Variants in TAOK3 observed in about 807,000 individuals in gnomAD.
TAOK3 encodes the protein TAO kinase 3.
In TAOK3, 40 loss-of-function variants were observed where a neutral mutation model predicts 120.4. The observed-to-expected ratio is 0.33, with a 90% confidence interval of 0.26 to 0.43. The LOEUF is 0.43. TAOK3 is among the 20% of genes least tolerant of loss of function. TAOK3 has a pLI of 1.00. For missense variants in TAOK3, 821 were observed against 1,112.1 expected (o/e 0.74, Z 3.72); for synonymous variants, 355 against 387.5 (o/e 0.92, Z 0.99).
intron 17 of TAOK3, among the ~76,000 whole-genome samples, chr12:118,167,932 G>A (rs1394790638): frequency 6.6e-6 from 1 of 152,136 alleles, no homozygotes; most frequent in Non-Finnish European, 1.5e-5. Context: ...TTCCCGCTCA[G>A]TTCTTCAGCT....
At chr12:118,187,658 A>C (rs892373675) in intron 14 of TAOK3, among the ~76,000 whole-genome samples, 6 of 152,144 alleles carry the variant, frequency 3.9e-5, no homozygotes, top group African/African-American at 1.4e-4. Flanking sequence ...GTAAACTACC[A>C]TCAATCCCAA....
intron 15 of TAOK3, among the ~76,000 whole-genome samples, chr12:118,180,641 A>G (rs2036656183): frequency 6.6e-6 from 1 of 152,192 alleles, no homozygotes. Context: ...CCTTTTGCTC[A>G]GGGGCTCATC....
intron 11 of TAOK3, 82 bp downstream of exon 11, chr12:118,212,832 A>G: frequency 1.1e-6 from 1 of 952,156 alleles, no homozygotes; most frequent in Non-Finnish European, 1.6e-6. Context: ...TGTCATGATG[A>G]GCTGCCACAG....
At chr12:118,288,287 C>T (rs889326583) in intron 1 of TAOK3, among the ~76,000 whole-genome samples, 2 of 152,050 alleles carry the variant, frequency 1.3e-5, no homozygotes, top group Admixed American at 6.6e-5. Context: ...CTCCCTCCCT[C>T]CCCCAATTCA....
chr12:118,153,419 A>C (rs1341176899), intron 19 of TAOK3, among the ~76,000 whole-genome samples: 1 of 152,088 alleles, frequency 6.6e-6, no homozygotes, highest in African/African-American at 2.4e-5. Context: ...TAAAAAAAAA[A>C]TCTCTTCCTC....
intron 9 of TAOK3, among the ~76,000 whole-genome samples, chr12:118,221,053 C>T (rs960725594): frequency 6.6e-6 from 1 of 152,232 alleles, no homozygotes; most frequent in Non-Finnish European, 1.5e-5. Context: ...TATTGGAACA[C>T]AGCCATGCCT....
chr12:118,335,723 T>C lies in TAOK3; in HGVS notation c.-194+36925A>G, dbSNP rs113811911. On this transcript the variant is annotated intron_variant, in intron 1 of 20. Transcript: ENST00000392533. Reference sequence around the variant, plus strand: ...GGTGGGCACCTGTAATCCTAGCTACTTGGGAGGCTGAGGAAGAATTGCTTG... The same window carrying C: ...GGTGGGCACCTGTAATCCTAGCTACCTGGGAGGCTGAGGAAGAATTGCTTG... Among the ~76,000 whole-genome samples, 1,271 of 152,106 alleles carry C rather than the reference T, an allele frequency of 8.4e-3. 17 individuals are homozygous for C. Among genetic ancestry groups the C allele is most frequent in the African/African-American group, 0.029 (1,222 of 41,490 alleles).
At chr12:118,213,881 A>G in intron 10 of TAOK3, 136 bp downstream of exon 10, 1 of 735,706 alleles carries the variant, frequency 1.4e-6, no homozygotes, top group South Asian at 1.8e-5. Flanking sequence ...CTTGTGAGGC[A>G]TCAGTGTCAC....
chr12:118,291,153 G>A (rs1338130179), intron 1 of TAOK3, among the ~76,000 whole-genome samples: 3 of 151,222 alleles, frequency 2.0e-5, no homozygotes, highest in African/African-American at 4.9e-5. Flanking sequence ...ACCGCGCCCG[G>A]CCGGGTTTTT....
intron 14 of TAOK3, among the ~76,000 whole-genome samples, chr12:118,182,740 C>G (rs1257849964): frequency 6.6e-6 from 1 of 150,480 alleles, no homozygotes; most frequent in East Asian, 2.0e-4. Flanking sequence ...CAAGAGATCT[C>G]TTAAATCATG....
intron 1 of TAOK3, among the ~76,000 whole-genome samples, chr12:118,270,496 A>G (rs536586313): frequency 3.4e-4 from 52 of 152,278 alleles, no homozygotes; most frequent in African/African-American, 1.2e-3. Flanking sequence ...CTGGCTTCAA[A>G]CCAGTAGTCT....
chr12:118,236,974 T>G (rs1218331617), intron 7 of TAOK3, among the ~76,000 whole-genome samples: 4 of 152,180 alleles, frequency 2.6e-5, no homozygotes, highest in African/African-American at 9.6e-5. Context: ...TAGCTTTAAA[T>G]GAGAGCAGGC....
At chr12:118,182,156 G>A (rs1383219159) in intron 14 of TAOK3, among the ~76,000 whole-genome samples, 1 of 152,086 alleles carries the variant, frequency 6.6e-6, no homozygotes, top group East Asian at 1.9e-4. Flanking sequence ...CTGCACTCCA[G>A]CCTGGGTGAC....
intron 1 of TAOK3, among the ~76,000 whole-genome samples, chr12:118,287,856 G>A (rs979329878): frequency 6.6e-6 from 1 of 151,966 alleles, no homozygotes; most frequent in African/African-American, 2.4e-5. Flanking sequence ...AACACCTTTA[G>A]CCTCTGCAAA....
At chr12:118,220,462 G>A (rs2039174478) in intron 9 of TAOK3, among the ~76,000 whole-genome samples, 1 of 151,604 alleles carries the variant, frequency 6.6e-6, no homozygotes, top group Admixed American at 6.6e-5. Flanking sequence ...CTAAGTCTCG[G>A]GGCTCATGAC....
rs199881318 is a variant in TAOK3 at position 118,323,730 on chromosome 12, T to C, written c.-194+48918A>G. Among the ~76,000 whole-genome samples the C allele has an allele frequency of 2.3e-4, 35 of 152,290 alleles. 1 individual carries two copies. The East Asian group carries it at 6.8e-3, about 29-fold the overall frequency. ...GAACAGTATATGTCATAAAATCTCATTTTTATTTAAGAAATGATATGCATA... is the reference window on the plus strand; with the variant it reads ...GAACAGTATATGTCATAAAATCTCACTTTTATTTAAGAAATGATATGCATA... On this transcript the variant is annotated intron_variant, in intron 1 of 20. Transcript: ENST00000392533.
At chr12:118,223,698 C>T (rs2039366779) in intron 9 of TAOK3, among the ~76,000 whole-genome samples, 1 of 148,764 alleles carries the variant, frequency 6.7e-6, no homozygotes, top group Admixed American at 6.8e-5. Context: ...GGCTGGAGTG[C>T]AGTGGTACAA....
intron 11 of TAOK3, among the ~76,000 whole-genome samples, chr12:118,211,508 T>C (rs2038629852): frequency 6.6e-6 from 1 of 152,142 alleles, no homozygotes; most frequent in Non-Finnish European, 1.5e-5. Context: ...CTGTTATGTT[T>C]TTTCTCTTCC....
chr12:118,314,179 G>C (rs148208147), intron 1 of TAOK3, among the ~76,000 whole-genome samples: 1 of 152,264 alleles, frequency 6.6e-6, no homozygotes, highest in Non-Finnish European at 1.5e-5. Context: ...TTGCAAAAGA[G>C]TTGGGTCCCA....
Sources: gnomAD v4.1 joint callset for allele counts (sites outside exome capture counted in the v4.1 genomes callset) on GRCh38, gnomAD v4.1.1 for gene constraint, MANE v1.5 for transcripts, NCBI Gene and HGNC (gene_info 2026-07-23, HGNC 2026-07-21) for gene names.